BLTP3B: variants seen among roughly 807,000 people sequenced by gnomAD.
BLTP3B encodes the protein UHRF1 (ICBP90) binding protein 1-like.
chr12:100,077,495 T>G, the BLTP3B span, among the ~76,000 whole-genome samples: 1 of 152,230 alleles, frequency 6.6e-6, no homozygotes, highest in Non-Finnish European at 1.5e-5. Flanking sequence ...AATTCTTCAT[T>G]GTGGGGAACT....
the BLTP3B span, among the ~76,000 whole-genome samples, chr12:100,107,466 T>C: frequency 6.6e-6 from 1 of 151,096 alleles, no homozygotes; most frequent in South Asian, 2.1e-4. Context: ...AAACCCCATC[T>C]CTACTAAAAT....
chr12:100,088,914 C>T, the BLTP3B span: 2 of 1,544,230 alleles, frequency 1.3e-6, no homozygotes, highest in Non-Finnish European at 1.7e-6. Flanking sequence ...AGTTATTTTA[C>T]CTTTTTCTTT....
the BLTP3B span, chr12:100,084,480 T>G: frequency 6.2e-7 from 1 of 1,609,208 alleles, no homozygotes; most frequent in Non-Finnish European, 8.5e-7. Flanking sequence ...AAATACCTGT[T>G]TGTGTGTGCT....
At chr12:100,125,806 T>C in the BLTP3B span, among the ~76,000 whole-genome samples, 7 of 152,234 alleles carry the variant, frequency 4.6e-5, no homozygotes, top group Non-Finnish European at 7.3e-5. Flanking sequence ...GTTACTGTTT[T>C]TCAAGAACTT....
chr12:100,084,172 G>A, the BLTP3B span, among the ~76,000 whole-genome samples: 1 of 151,390 alleles, frequency 6.6e-6, no homozygotes, highest in African/African-American at 2.4e-5. Flanking sequence ...CTGGGAGACA[G>A]AGTGAGACCC....
the BLTP3B span, among the ~76,000 whole-genome samples, chr12:100,133,167 G>C: frequency 1.3e-5 from 2 of 151,562 alleles, no homozygotes; most frequent in Admixed American, 6.6e-5. Flanking sequence ...GCATGAACCC[G>C]GGAGGCGGAG....
the BLTP3B span, among the ~76,000 whole-genome samples, chr12:100,102,196 G>A: frequency 1.4e-5 from 2 of 139,160 alleles, no homozygotes; most frequent in African/African-American, 5.4e-5. Context: ...TATAACCTCC[G>A]CCTCCCGGGT....
chr12:100,089,068 G>A, the BLTP3B span: 1 of 1,607,760 alleles, frequency 6.2e-7, no homozygotes, highest in Non-Finnish European at 8.5e-7. Flanking sequence ...GTCTTCACTT[G>A]CTGGGCAGAT....
chr12:100,124,250 A>G, the BLTP3B span, among the ~76,000 whole-genome samples: 1 of 152,074 alleles, frequency 6.6e-6, no homozygotes, highest in Non-Finnish European at 1.5e-5. Flanking sequence ...CATGCACTCC[A>G]GTCTGGGAGA....
At chr12:100,052,615 G>T in the BLTP3B span, among the ~76,000 whole-genome samples, 3 of 151,996 alleles carry the variant, frequency 2.0e-5, no homozygotes, top group African/African-American at 7.2e-5. Context: ...TCCATCTGAA[G>T]TATAACGAGC....
chr12:100,130,644 G>A, the BLTP3B span, among the ~76,000 whole-genome samples: 42 of 152,224 alleles, frequency 2.8e-4, no homozygotes, highest in African/African-American at 8.9e-4. Flanking sequence ...GGCTGGGCGC[G>A]GTGGCTCATG....
chr12:100,074,865 C>G, the BLTP3B span, among the ~76,000 whole-genome samples: 1 of 151,852 alleles, frequency 6.6e-6, no homozygotes, highest in Non-Finnish European at 1.5e-5. Flanking sequence ...AATAGAGAAC[C>G]CAGAAATAAA....
the BLTP3B span, among the ~76,000 whole-genome samples, chr12:100,137,544 G>A: frequency 3.9e-5 from 6 of 152,044 alleles, no homozygotes; most frequent in Admixed American, 3.9e-4. Flanking sequence ...ATCTCAAACT[G>A]CTGGGCTCAA....
At chr12:100,058,216 A>G in the BLTP3B span, 2 of 1,612,798 alleles carry the variant, frequency 1.2e-6, no homozygotes, top group African/African-American at 1.3e-5. Flanking sequence ...CTATCAAATG[A>G]AAGTATATTC....
the BLTP3B span, among the ~76,000 whole-genome samples, chr12:100,074,531 G>A: frequency 1.3e-5 from 2 of 151,574 alleles, no homozygotes; most frequent in South Asian, 2.1e-4. Context: ...CTCGGGAGAC[G>A]GAGGTTGTAG....
the BLTP3B span, chr12:100,086,214 T>C: frequency 3.7e-6 from 4 of 1,089,418 alleles, no homozygotes; most frequent in East Asian, 5.6e-5. Flanking sequence ...CTAAACTAAA[T>C]AAATTAGCTA....
At chr12:100,047,965 G>A in the BLTP3B span, 1 of 1,513,422 alleles carries the variant, frequency 6.6e-7, no homozygotes, top group Non-Finnish European at 8.8e-7. Context: ...TTTCGTGTTA[G>A]AAACTTGTAT....
chr12:100,129,964 T>C, the BLTP3B span, among the ~76,000 whole-genome samples: 5 of 152,324 alleles, frequency 3.3e-5, no homozygotes, highest in South Asian at 2.1e-4. Flanking sequence ...GTCCTTTTTC[T>C]TCCCCCCCTT....
chr12:100,072,369 T>C, the BLTP3B span, among the ~76,000 whole-genome samples: 1 of 151,988 alleles, frequency 6.6e-6, no homozygotes, highest in African/African-American at 2.4e-5. Context: ...TAACAACATC[T>C]AAAACTGTTA....
Sources: gnomAD v4.1 joint callset for allele counts (sites outside exome capture counted in the v4.1 genomes callset) on GRCh38, gnomAD v4.1.1 for gene constraint, MANE v1.5 for transcripts, NCBI Gene and HGNC (gene_info 2026-07-23, HGNC 2026-07-21) for gene names.